Variants in DNM1 observed in about 807,000 individuals in gnomAD.
DNM1 encodes dynamin-1.
A neutral mutation model predicts 104.6 loss-of-function variants in DNM1; 29 were observed. That is an observed-to-expected ratio of 0.28 (90% CI 0.21 to 0.38). The LOEUF is 0.38. Ranked by LOEUF, DNM1 falls within the 10% of genes least tolerant of loss-of-function variation. The pLI, the probability that DNM1 is intolerant of heterozygous loss-of-function variation, is 1.00. For missense variants in DNM1, 640 were observed against 1,189.4 expected, an observed-to-expected ratio of 0.54 and a Z score of 6.79; for synonymous variants, 445 against 475.8, an observed-to-expected ratio of 0.94 and a Z score of 0.84.
At chr9:128,242,193 A>T in intron 14 of DNM1, 39 bp from the exon 15 acceptor site, 1 of 1,191,834 alleles carries the variant, frequency 8.4e-7, no homozygotes, top group Non-Finnish European at 1.3e-6. Flanking sequence ...GGGGAGGCTC[A>T]GGCCCTGTCC....
Position 128,253,175 on chromosome 9 carries a change from T to A in DNM1, c.2535-1479T>A. 1 of 1,595,044 alleles carries A rather than the reference T, an allele frequency of 6.3e-7. No individual in the cohort carries two copies. Among genetic ancestry groups the A allele is most frequent in the Non-Finnish European group, 8.5e-7 (1 of 1,176,118 alleles). On this transcript the variant is annotated intron_variant, in intron 21 of 21. Coordinates refer to ENST00000372923, the MANE Select transcript of DNM1 (RefSeq NM_004408.4). This position sits in a 1 kb window ranked among gnomAD's most constrained non-coding sequence, Gnocchi z 5.9. ...CTCACCGCCTGCTGCATGAACGGTGTGTCTGCCCCGCTGCACTAGCTCCAC... is the reference window on the plus strand; with the variant it reads ...CTCACCGCCTGCTGCATGAACGGTGAGTCTGCCCCGCTGCACTAGCTCCAC...
intron 6 of DNM1, among the ~76,000 whole-genome samples, chr9:128,221,477 A>T (rs1347902821): frequency 6.6e-6 from 1 of 152,174 alleles, no homozygotes; most frequent in Admixed American, 6.5e-5. Context: ...GTTCAGGGAG[A>T]TACTGTGTGG....
rs1490648524 is a variant in DNM1 at position 128,247,520 on chromosome 9, A to G, written c.1893+34A>G. Reference sequence around the variant, plus strand: ...CAGGGCAAGGAGAGGAAGGGCAAGCATGATCCTAGGGCCCCTGGGGCACCA... The same window carrying G: ...CAGGGCAAGGAGAGGAAGGGCAAGCGTGATCCTAGGGCCCCTGGGGCACCA... On this transcript the variant is annotated intron_variant, in intron 17 of 21. Transcript: ENST00000372923. The surrounding 1 kb of genome is among the most constrained non-coding windows in gnomAD (Gnocchi z 5.1). 1.3e-6 allele frequency: 2 copies of G among 1,521,164 alleles called. No homozygotes were observed. The highest frequency in any genetic ancestry group is 2.3e-5 in the South Asian group (2 of 87,484). The allele number at this position is 1,521,164 out of a possible 1,614,324, so 94.2% of individuals were successfully genotyped here. A position where few individuals can be genotyped will look rare whatever the true frequency, so the allele number is the denominator to read the frequency against.
Position 128,222,974 on chromosome 9 carries a change from C to A in DNM1, c.1196+114C>A. 9.4e-7 allele frequency: 1 copy of A among 1,059,948 alleles called. No individual in the cohort carries two copies. Among genetic ancestry groups the A allele is most frequent in the Non-Finnish European group, 1.4e-6 (1 of 712,130 alleles). The allele number at this position is 1,059,948 out of a possible 1,614,324, so 65.7% of individuals were successfully genotyped here. On this transcript the variant is annotated intron_variant, in intron 9 of 21. Transcript: ENST00000372923. This position sits in a 1 kb window ranked among gnomAD's most constrained non-coding sequence, Gnocchi z 7.8. ...CAGGAAGGACTGAAAGCTCTGTTCC[C>A]CAGTCCTCTCGACCCCAACTTTCTG... is the stretch of plus-strand genomic sequence containing the variant.
chr9:128,225,670 C>G (rs1588381347), intron 10 of DNM1, among the ~76,000 whole-genome samples: 1 of 152,096 alleles, frequency 6.6e-6, no homozygotes, highest in South Asian at 2.1e-4. Flanking sequence ...TGGGAGAGAG[C>G]AGGCAGCCTC....
chr9:128,231,127 A>G (rs1407995222), intron 10 of DNM1, among the ~76,000 whole-genome samples: 2 of 151,804 alleles, frequency 1.3e-5, no homozygotes, highest in African/African-American at 2.4e-5. Context: ...TATGAGCAGA[A>G]AAAACTGATC....
At position 128,224,930 on chromosome 9, in the gene DNM1, C is replaced by T. The variant is rs1010415633; in HGVS notation, c.1335+541C>T. ...TCAGGACCCTCACACAGGATGCTCA[C>T]GTAAGACCCTCACTCAGGGCCTCTC... is the stretch of plus-strand genomic sequence containing the variant. On this transcript the variant is annotated intron_variant, in intron 10 of 21. Coordinates refer to ENST00000372923, the MANE Select transcript of DNM1 (RefSeq NM_004408.4). The surrounding 1 kb of genome is among the most constrained non-coding windows in gnomAD (Gnocchi z 4.3). 2.0e-5 allele frequency among the ~76,000 whole-genome samples: 3 copies of T among 152,100 alleles called. No homozygotes were observed. The highest frequency in any genetic ancestry group is 4.4e-5 in the Non-Finnish European group (3 of 68,018).
At position 128,222,360 on chromosome 9, in the gene DNM1, A is replaced by C. The variant is rs757009257; in HGVS notation, c.992+21A>C. 9.9e-6 allele frequency: 16 copies of C among 1,609,692 alleles called. No individual in the cohort carries two copies. In the South Asian group the frequency reaches 1.8e-4, roughly 18 times the overall value. On this transcript the variant is annotated intron_variant, in intron 7 of 21. Transcript: ENST00000372923. The surrounding 1 kb of genome is among the most constrained non-coding windows in gnomAD (Gnocchi z 7.8). ...CTGCAGTGAGGCTCCCCCAGCTCCT[A>C]TCACTGAATCCCCGCCCCCAGCCTC... is the stretch of plus-strand genomic sequence containing the variant.
At chr9:128,241,398 A>C (rs1004464) in intron 14 of DNM1, among the ~76,000 whole-genome samples, 1 of 152,090 alleles carries the variant, frequency 6.6e-6, no homozygotes, top group Non-Finnish European at 1.5e-5. Context: ...GCTTCCTGCC[A>C]TGAAAAGGGA....
rs1244508469 is a variant in DNM1, at chr9:128,248,588, C to T, written c.1911C>T (p.Ser637=). Residue 637 remains serine, a synonymous_variant, in exon 19 of 22, where the codon AGC becomes AGT. Transcript: ENST00000372923. The surrounding 1 kb of genome is among the most constrained non-coding windows in gnomAD (Gnocchi z 5.6). ...CCTTGTGTTCTCCATGGCAGGCCAG[C>T]GAGACCGAGGAGAATGGCTCCGACA... is the stretch of plus-strand genomic sequence containing the variant. ...PERVGDKEKA[S]ETEENGSDSF... is the part of the protein sequence containing the mutation. 2 of 1,613,016 alleles carry T rather than the reference C, an allele frequency of 1.2e-6. No individual in the cohort carries two copies. The highest frequency in any genetic ancestry group is 1.7e-5 in the Admixed American group (1 of 60,000).
rs1481608645 is a variant in DNM1 at position 128,247,013 on chromosome 9, A to T, written c.1782-362A>T. On this transcript the variant is annotated intron_variant, in intron 16 of 21. Transcript: ENST00000372923. The surrounding 1 kb of genome is among the most constrained non-coding windows in gnomAD (Gnocchi z 5.1). ...GGGCCCTCTGCTACTCGGAGATGAG[A>T]GTTCAGTCCAGCGGCCATCAGAGGG... 5.7e-5 allele frequency: 13 copies of T among 226,572 alleles called. No homozygotes were observed. The highest frequency in any genetic ancestry group is 1.1e-4 in the Non-Finnish European group (12 of 112,886). The allele number at this position is 226,572 out of a possible 1,614,324, so 14.0% of individuals were successfully genotyped here.
chr9:128,216,125 C>T (rs1047522678), intron 1 of DNM1, among the ~76,000 whole-genome samples: 2 of 152,140 alleles, frequency 1.3e-5, no homozygotes, highest in African/African-American at 4.8e-5. Flanking sequence ...GTCTCTCCCA[C>T]CACACTGTGA....
Position 128,248,551 on chromosome 9 carries a change from G to A in DNM1, c.1906-32G>A. On this transcript the variant is annotated intron_variant, in intron 18 of 21. Coordinates refer to ENST00000372923, the MANE Select transcript of DNM1 (RefSeq NM_004408.4). The surrounding 1 kb of genome is among the most constrained non-coding windows in gnomAD (Gnocchi z 5.6). ...GCCTGGAGCCTGGCTGCATGGCCTG[G>A]CCACCTGATGCCCTTGTGTTCTCCA... The A allele has an allele frequency of 6.2e-7, 1 of 1,601,440 alleles. No individual in the cohort carries two copies. The highest frequency in any genetic ancestry group is 8.5e-7 in the Non-Finnish European group (1 of 1,170,122).
In DNM1 at chr9:128,253,352, C is replaced by T. The variant is rs1657772453; in HGVS notation, c.2535-1302C>T. On this transcript the variant is annotated intron_variant, in intron 21 of 21. Transcript: ENST00000372923. The surrounding 1 kb of genome is among the most constrained non-coding windows in gnomAD (Gnocchi z 5.9). ...GGGACTCAGTGCCACTGCCCAAGGC[C>T]TCCATGGCTGAGCCTGGAGGCTCTT... 1.7e-6 allele frequency: 1 copy of T among 585,492 alleles called. No individual in the cohort carries two copies. Among genetic ancestry groups the T allele is most frequent in the Non-Finnish European group, 3.0e-6 (1 of 328,022 alleles). The allele number at this position is 585,492 out of a possible 1,614,324, so 36.3% of individuals were successfully genotyped here. A position where few individuals can be genotyped will look rare whatever the true frequency, so the allele number is the denominator to read the frequency against.
intron 11 of DNM1, among the ~76,000 whole-genome samples, chr9:128,235,942 T>C (rs1235554932): frequency 6.6e-6 from 1 of 151,966 alleles, no homozygotes; most frequent in East Asian, 1.9e-4. Flanking sequence ...GTCTCAAACT[T>C]CTGGGCTCAA....
chr9:128,246,291 C>A, intron 15 of DNM1, 103 bp from the exon 16 acceptor site: 2 of 815,258 alleles, frequency 2.5e-6, no homozygotes, highest in Non-Finnish European at 4.3e-6. Context: ...TGGGAGGGGG[C>A]TGATGCTTAG....
chr9:128,252,819 G>T (rs776073468), intron 21 of DNM1: 73 of 667,736 alleles, frequency 1.1e-4, no homozygotes, highest in Non-Finnish European at 1.8e-4. Context: ...TCTGTGTTGT[G>T]ACTCTGCCCA....
intron 21 of DNM1, chr9:128,252,236 T>G: frequency 3.9e-6 from 1 of 258,220 alleles, no homozygotes; most frequent in African/African-American, 2.3e-5. Context: ...ACTGCCAACG[T>G]GAGTTCAGAT....
intron 11 of DNM1, 62 bp downstream of exon 11, chr9:128,234,169 C>G: frequency 7.4e-7 from 1 of 1,350,942 alleles, no homozygotes; most frequent in South Asian, 1.4e-5. Context: ...CCTGCGCCTT[C>G]CACTCCTGGC....
Sources: gnomAD v4.1 joint callset for allele counts (sites outside exome capture counted in the v4.1 genomes callset) on GRCh38, gnomAD v4.1.1 for gene constraint, Gnocchi (gnomAD v3.1) non-coding constraint, MANE v1.5 for transcripts, NCBI Gene and HGNC (gene_info 2026-07-23, HGNC 2026-07-21) for gene names.